DRC11: variants seen among roughly 807,000 people sequenced by gnomAD.
The protein encoded by DRC11 is dynein regulatory complex subunit 11, also known as IQ and AAA domain-containing protein 1.
the DRC11 span, chr2:236,507,461 C>T: frequency 1.6e-6 from 1 of 613,972 alleles, no homozygotes; most frequent in Non-Finnish European, 2.9e-6. Flanking sequence ...GTTTGCTTCG[C>T]AGGCACGGAG....
the DRC11 span, among the ~76,000 whole-genome samples, chr2:236,475,443 A>C: frequency 6.6e-6 from 1 of 152,176 alleles, no homozygotes; most frequent in African/African-American, 2.4e-5. This position sits in a 1 kb window ranked among gnomAD's most constrained non-coding sequence, Gnocchi z 4.8. Flanking sequence ...CAGGCATGCA[A>C]GTGCAGATAT....
the DRC11 span, among the ~76,000 whole-genome samples, chr2:236,347,943 T>G: frequency 1.3e-5 from 2 of 152,066 alleles, no homozygotes; most frequent in Non-Finnish European, 2.9e-5. Context: ...GGAGCTAGTC[T>G]ATTTCAAAGC....
the DRC11 span, among the ~76,000 whole-genome samples, chr2:236,407,608 T>A: frequency 9.9e-5 from 15 of 152,266 alleles, no homozygotes; most frequent in Admixed American, 2.0e-4. Flanking sequence ...GGGCCACATG[T>A]ACTTTTTATA....
the DRC11 span, chr2:236,324,052 G>A: frequency 6.6e-6 from 1 of 152,144 alleles, no homozygotes; most frequent in Non-Finnish European, 1.5e-5. The surrounding 1 kb of genome is among the most constrained non-coding windows in gnomAD (Gnocchi z 5.7). Flanking sequence ...ATTAGCAGTG[G>A]GACCTGGACT....
At chr2:236,494,857 G>A in the DRC11 span, among the ~76,000 whole-genome samples, 3 of 152,294 alleles carry the variant, frequency 2.0e-5, no homozygotes, top group East Asian at 1.9e-4. The surrounding 1 kb of genome is among the most constrained non-coding windows in gnomAD (Gnocchi z 4.2). Context: ...TGGGGGTGAC[G>A]GGAGAGTGAA....
the DRC11 span, among the ~76,000 whole-genome samples, chr2:236,437,445 G>T: frequency 6.6e-6 from 1 of 151,476 alleles, no homozygotes; most frequent in East Asian, 1.9e-4. Context: ...ATAGTCCTTT[G>T]GGTATATACC....
chr2:236,399,793 T>C, the DRC11 span, among the ~76,000 whole-genome samples: 1 of 152,160 alleles, frequency 6.6e-6, no homozygotes, highest in Non-Finnish European at 1.5e-5. This position sits in a 1 kb window ranked among gnomAD's most constrained non-coding sequence, Gnocchi z 7.0. Context: ...CTTTCTTTCT[T>C]TCTTTTTTTG....
chr2:236,504,031 C>T, the DRC11 span, among the ~76,000 whole-genome samples: 227 of 152,288 alleles, frequency 1.5e-3, 3 homozygotes, highest in African/African-American at 5.2e-3. The surrounding 1 kb of genome is among the most constrained non-coding windows in gnomAD (Gnocchi z 5.0). Context: ...TGTGCAACTA[C>T]CACCATTATC....
chr2:236,416,751 ATATATATATATATATAT>A, the DRC11 span, among the ~76,000 whole-genome samples: 1 of 60,186 alleles, frequency 1.7e-5, no homozygotes, highest in African/African-American at 5.8e-5. Context: ...ATATATATAT[ATATATATATATATATAT>A]AAATAATTTT....
chr2:236,416,025 G>A, the DRC11 span, among the ~76,000 whole-genome samples: 1 of 152,028 alleles, frequency 6.6e-6, no homozygotes. Context: ...CTGGGGTATA[G>A]GCAGAACAAT....
At chr2:236,458,431 A>G in the DRC11 span, among the ~76,000 whole-genome samples, 1 of 152,228 alleles carries the variant, frequency 6.6e-6, no homozygotes, top group Non-Finnish European at 1.5e-5. Context: ...TACAAGAACT[A>G]ATGTGAGAAT....
chr2:236,391,187 CCATAATAT>C, the DRC11 span: 1 of 152,158 alleles, frequency 6.6e-6, no homozygotes, highest in Non-Finnish European at 1.5e-5. This position sits in a 1 kb window ranked among gnomAD's most constrained non-coding sequence, Gnocchi z 4.5. Flanking sequence ...CAGGGTTAAA[CCATAATAT>C]CAACACAAAA....
the DRC11 span, among the ~76,000 whole-genome samples, chr2:236,416,744 TA>T: frequency 6.9e-5 from 4 of 57,568 alleles, no homozygotes; most frequent in East Asian, 1.2e-3. Flanking sequence ...TATATATATA[TA>T]TATATATATA....
chr2:236,493,138 G>A, the DRC11 span, among the ~76,000 whole-genome samples: 30 of 152,234 alleles, frequency 2.0e-4, no homozygotes, highest in South Asian at 6.2e-4. Flanking sequence ...CTCATATGGC[G>A]GCAGACAAGA....
chr2:236,383,712 G>T, the DRC11 span, among the ~76,000 whole-genome samples: 1 of 143,564 alleles, frequency 7.0e-6, no homozygotes, highest in East Asian at 2.1e-4. Context: ...TGTGCACATT[G>T]TGCAGGTTAG....
At chr2:236,341,639 G>T in the DRC11 span, among the ~76,000 whole-genome samples, 15 of 152,322 alleles carry the variant, frequency 9.8e-5, no homozygotes, top group African/African-American at 3.6e-4. Context: ...TGGCCCCAGG[G>T]CTCAGAGGGC....
At chr2:236,391,662 G>C in the DRC11 span, among the ~76,000 whole-genome samples, 1 of 152,162 alleles carries the variant, frequency 6.6e-6, no homozygotes, top group Non-Finnish European at 1.5e-5. This position sits in a 1 kb window ranked among gnomAD's most constrained non-coding sequence, Gnocchi z 4.5. Context: ...GAACAGTTGG[G>C]GGCTGTTTGG....
the DRC11 span, among the ~76,000 whole-genome samples, chr2:236,463,127 ATACTAACATTACTAT>A: frequency 6.6e-6 from 1 of 152,202 alleles, no homozygotes; most frequent in Non-Finnish European, 1.5e-5. This position sits in a 1 kb window ranked among gnomAD's most constrained non-coding sequence, Gnocchi z 5.0. Flanking sequence ...TTTTGCTGAT[ATACTAACATTACTAT>A]GATATATTTC....
chr2:236,404,379 G>A, the DRC11 span, among the ~76,000 whole-genome samples: 2 of 152,042 alleles, frequency 1.3e-5, no homozygotes, highest in Non-Finnish European at 2.9e-5. Context: ...ATCAGCTGAG[G>A]CCCAGTTCCT....
Sources: gnomAD v4.1 joint callset for allele counts (sites outside exome capture counted in the v4.1 genomes callset) on GRCh38, gnomAD v4.1.1 for gene constraint, Gnocchi (gnomAD v3.1) non-coding constraint, MANE v1.5 for transcripts, NCBI Gene and HGNC (gene_info 2026-07-23, HGNC 2026-07-21) for gene names.